Variants in PPP2R2B observed in about 807,000 individuals in gnomAD.
The protein encoded by PPP2R2B is protein phosphatase 2 regulatory subunit Bbeta.
In PPP2R2B, 5 loss-of-function variants were observed where a neutral mutation model predicts 46.0. The ratio of observed to expected loss-of-function variants is 0.11; its 90% CI spans 0.06 to 0.23. The LOEUF (loss-of-function observed/expected upper bound fraction) is 0.23. Ranked by LOEUF, PPP2R2B falls within the 10% of genes least tolerant of loss-of-function variation. The pLI, the probability that PPP2R2B is intolerant of heterozygous loss-of-function variation, is 1.00. For missense variants in PPP2R2B, 367 were observed against 575.0 expected (o/e 0.64, Z 3.70); for synonymous variants, 215 against 206.7 (o/e 1.04, Z -0.34).
Position 146,998,708 on chromosome 5 carries a change from A to G in PPP2R2B, c.79+56957T>C, listed in dbSNP as rs1294391684. The stretch of plus-strand genomic sequence containing the variant: ...GTGGTTTTTGAACTATTTTTGTTTT[A>G]GAAACTAAACTCTTCTTTCAAAAGA... On this transcript the variant is annotated intron_variant, in intron 1 of 8. Coordinates refer to the PPP2R2B transcript ENST00000336640. Among the ~76,000 whole-genome samples the G allele has an allele frequency of 2.6e-5, 4 of 152,184 alleles. No individual in the cohort carries two copies. In the East Asian group the frequency reaches 7.7e-4, roughly 29 times the overall value.
At chr5:147,022,846 A>G (rs1405560400) in intron 1 of PPP2R2B, among the ~76,000 whole-genome samples, 1 of 152,138 alleles carries the variant, frequency 6.6e-6, no homozygotes, top group Non-Finnish European at 1.5e-5. Context: ...CAGTCTAGAT[A>G]GAACCAGTGA....
chr5:146,925,639 T>C (rs1052555637), intron 1 of PPP2R2B, among the ~76,000 whole-genome samples: 1 of 152,216 alleles, frequency 6.6e-6, no homozygotes, highest in Non-Finnish European at 1.5e-5. Flanking sequence ...TTTATCCTGC[T>C]TGGGTTTCTT....
At chr5:146,761,359 T>C (rs1754153279) in intron 2 of PPP2R2B, among the ~76,000 whole-genome samples, 2 of 152,154 alleles carry the variant, frequency 1.3e-5, no homozygotes, top group Non-Finnish European at 2.9e-5. Flanking sequence ...TTCATGTCCT[T>C]TGTAGGGACA....
chr5:147,011,270 C>T (rs1228689824), intron 1 of PPP2R2B, among the ~76,000 whole-genome samples: 1 of 151,892 alleles, frequency 6.6e-6, no homozygotes. Flanking sequence ...GTAGGACCTT[C>T]CCTTTCAGTC....
intron 1 of PPP2R2B, among the ~76,000 whole-genome samples, chr5:147,020,769 C>T (rs777860184): frequency 1.3e-5 from 2 of 152,008 alleles, no homozygotes; most frequent in East Asian, 3.9e-4. Context: ...TACTGATGAG[C>T]CCAGTCAATA....
In PPP2R2B at chr5:146,581,147, T is replaced by C. The variant is rs567983945; in HGVS notation, c.*8800A>G. The C allele has an allele frequency of 1.3e-5, 2 of 152,292 alleles. No individual in the cohort carries two copies. Among genetic ancestry groups the C allele is most frequent in the South Asian group, 2.1e-4 (1 of 4,818 alleles). The allele number at this position is 152,292 out of a possible 1,614,324, so 9.4% of individuals were successfully genotyped here. A position where few individuals can be genotyped will look rare whatever the true frequency, so the allele number is the denominator to read the frequency against. The stretch of plus-strand genomic sequence containing the variant: ...GAAAAACCCGAGACTGGGTAATTTG[T>C]AAAGGAATGAGGTTTAATTGGCTCA... On this transcript the variant is annotated 3_prime_UTR_variant, in exon 10 of 10. Coordinates refer to ENST00000394411, the MANE Select transcript of PPP2R2B (RefSeq NM_181675.4).
At chr5:146,637,764 G>A (rs1313857456) in intron 7 of PPP2R2B, among the ~76,000 whole-genome samples, 1 of 152,042 alleles carries the variant, frequency 6.6e-6, no homozygotes, top group South Asian at 2.1e-4. Context: ...TATGTTCTCA[G>A]CCTCCCATGC....
chr5:146,754,253 C>T (rs1406028073), intron 2 of PPP2R2B, among the ~76,000 whole-genome samples: 1 of 152,148 alleles, frequency 6.6e-6, no homozygotes. Context: ...AATCCTGGCA[C>T]ATGTGCTGAG....
At chr5:146,928,273 T>C (rs1041047738) in intron 1 of PPP2R2B, among the ~76,000 whole-genome samples, 4 of 151,878 alleles carry the variant, frequency 2.6e-5, no homozygotes, top group African/African-American at 9.7e-5. Flanking sequence ...TTTAGGTTTA[T>C]ATATATATTT....
At chr5:146,603,090 T>G (rs1771937160) in intron 7 of PPP2R2B, among the ~76,000 whole-genome samples, 1 of 152,154 alleles carries the variant, frequency 6.6e-6, no homozygotes, top group Admixed American at 6.5e-5. Context: ...TACTCCAGCT[T>G]TAGTTTTCCC....
At chr5:147,074,390 C>T (rs900895039) in intron 2 of PPP2R2B, among the ~76,000 whole-genome samples, 4 of 152,186 alleles carry the variant, frequency 2.6e-5, no homozygotes, top group Non-Finnish European at 5.9e-5. Context: ...ACCCTGTATT[C>T]AGGAGCGGGA....
intron 7 of PPP2R2B, among the ~76,000 whole-genome samples, chr5:146,620,438 G>A (rs1773583132): frequency 6.6e-6 from 1 of 152,210 alleles, no homozygotes; most frequent in Non-Finnish European, 1.5e-5. Flanking sequence ...CAGCCGTAAG[G>A]GAGGCGGCTG....
intron 1 of PPP2R2B, among the ~76,000 whole-genome samples, chr5:146,977,683 T>A (rs898844818): frequency 3.3e-5 from 5 of 152,206 alleles, no homozygotes; most frequent in African/African-American, 1.2e-4. Flanking sequence ...GCTTCATCCA[T>A]GTCCCAGCAA....
intron 2 of PPP2R2B, among the ~76,000 whole-genome samples, chr5:146,870,804 A>G (rs1345556559): frequency 6.6e-6 from 1 of 152,096 alleles, no homozygotes; most frequent in African/African-American, 2.4e-5. Flanking sequence ...TTCATTTAAC[A>G]TTTGTTGTAA....
intron 2 of PPP2R2B, among the ~76,000 whole-genome samples, chr5:146,743,470 T>C (rs1041156229): frequency 6.6e-6 from 1 of 152,138 alleles, no homozygotes; most frequent in Admixed American, 6.5e-5. Flanking sequence ...AAAGGTGAGG[T>C]GGCTGCTACT....
chr5:146,895,601 G>A (rs933912304), intron 1 of PPP2R2B, among the ~76,000 whole-genome samples: 6 of 152,292 alleles, frequency 3.9e-5, no homozygotes, highest in African/African-American at 1.4e-4. Flanking sequence ...GGTAAGGGCT[G>A]TTTGTTAAAT....
At chr5:146,638,711 C>T (rs746078357) in intron 6 of PPP2R2B, among the ~76,000 whole-genome samples, 6 of 152,296 alleles carry the variant, frequency 3.9e-5, no homozygotes, top group South Asian at 2.1e-4. Context: ...AAGTTAACTG[C>T]TTGTGCAATC....
intron 2 of PPP2R2B, among the ~76,000 whole-genome samples, chr5:146,758,690 C>G (rs1474739321): frequency 2.0e-5 from 3 of 151,238 alleles, no homozygotes; most frequent in Non-Finnish European, 4.4e-5. Flanking sequence ...ACCTACGGGT[C>G]AAATGAAAGA....
Position 146,597,122 on chromosome 5 carries a change from C to T in PPP2R2B, c.960+3169G>A, listed in dbSNP as rs143216201. Reference sequence around the variant, plus strand: ...TCAAACTAAGCTTCCTGCTACCTGTCCTTCTTTCAGCCATCAAAAGTTCTG... The same window carrying T: ...TCAAACTAAGCTTCCTGCTACCTGTTCTTCTTTCAGCCATCAAAAGTTCTG... On this transcript the variant is annotated intron_variant, in intron 8 of 9. Coordinates refer to ENST00000394411, the MANE Select transcript of PPP2R2B (RefSeq NM_181675.4). Among the ~76,000 whole-genome samples, 75 of 152,324 alleles carry T rather than the reference C, an allele frequency of 4.9e-4. No individual in the cohort carries two copies. In the East Asian group the frequency reaches 0.013, roughly 27 times the overall value.
Sources: allele counts gnomAD v4.1 joint callset (sites outside exome capture counted in the v4.1 genomes callset), GRCh38; gene constraint gnomAD v4.1.1; transcripts MANE v1.5; gene names NCBI Gene and HGNC (gene_info 2026-07-23, HGNC 2026-07-21).